MEGF6: variants seen among roughly 807,000 people sequenced by gnomAD.
The protein encoded by MEGF6 is multiple EGF like domains 6, also known as multiple epidermal growth factor-like domains protein 6.
In MEGF6, 184 loss-of-function variants were observed where a neutral mutation model predicts 207.1. That is an observed-to-expected ratio of 0.89 (90% CI 0.79 to 1.00). The LOEUF (loss-of-function observed/expected upper bound fraction) is 1.00, where lower values mean the gene tolerates loss of function less well. Among genes scored for constraint, MEGF6 ranks in the 50% least tolerant of loss-of-function variants. The probability of loss-of-function intolerance (pLI) is 0.00; values close to 1 mark genes in which losing one functional copy is unlikely to be tolerated. For missense variants in MEGF6, 2,282 were observed against 2,202.9 expected (o/e 1.04, Z -0.72); for synonymous variants, 1,038 against 910.0 (o/e 1.14, Z -2.53).
chr1:3,584,180 T>C (rs915758710), intron 3 of MEGF6, among the ~76,000 whole-genome samples: 1 of 152,220 alleles, frequency 6.6e-6, no homozygotes, highest in Admixed American at 6.5e-5. Context: ...GTCCAGGCCA[T>C]GTCTGTAGCC....
chr1:3,500,867 C>T, intron 20 of MEGF6, 99 bp downstream of exon 20: 2 of 1,596,082 alleles, frequency 1.3e-6, no homozygotes, highest in Admixed American at 3.4e-5. Flanking sequence ...GCAAGGCCTC[C>T]TGCAAGCCCC....
At chr1:3,507,657 G>A in intron 14 of MEGF6, 138 bp downstream of exon 14, 1 of 1,093,450 alleles carries the variant, frequency 9.1e-7, no homozygotes, top group Non-Finnish European at 1.4e-6. Flanking sequence ...GAAGGAAAGG[G>A]AGTCTAGGAA....
chr1:3,524,802 C>G (rs759783154), intron 4 of MEGF6, among the ~76,000 whole-genome samples: 1 of 152,096 alleles, frequency 6.6e-6, no homozygotes, highest in South Asian at 2.1e-4. Context: ...AGTTCAGGCT[C>G]GAGATGAGAT....
At chr1:3,514,200 A>G (rs914245793) in intron 7 of MEGF6, among the ~76,000 whole-genome samples, 6 of 151,680 alleles carry the variant, frequency 4.0e-5, no homozygotes, top group African/African-American at 1.5e-4. Context: ...GTGAGCTGAG[A>G]TCACGCCACT....
At chr1:3,526,766 A>G (rs1317652491) in intron 4 of MEGF6, among the ~76,000 whole-genome samples, 1 of 152,182 alleles carries the variant, frequency 6.6e-6, no homozygotes, top group East Asian at 1.9e-4. Context: ...GAAGGGAGGG[A>G]GGGGCCGCTG....
intron 4 of MEGF6, among the ~76,000 whole-genome samples, chr1:3,540,205 T>C (rs1196105688): frequency 3.4e-4 from 51 of 152,220 alleles, no homozygotes; most frequent in Admixed American, 3.0e-3. Flanking sequence ...TGGCCTTAAC[T>C]GAGAACGTGC....
intron 4 of MEGF6, among the ~76,000 whole-genome samples, chr1:3,526,832 C>T (rs1413832951): frequency 6.6e-6 from 1 of 152,200 alleles, no homozygotes; most frequent in Non-Finnish European, 1.5e-5. Flanking sequence ...CTTCCAAAAG[C>T]TATGAGCCGA....
chr1:3,506,976 C>T (rs866597410), intron 14 of MEGF6, among the ~76,000 whole-genome samples: 5 of 152,216 alleles, frequency 3.3e-5, no homozygotes, highest in African/African-American at 7.2e-5. Context: ...GGGTACAGCA[C>T]GATCCCAGGG....
chr1:3,502,503 CAG>C lies in MEGF6; in HGVS notation c.2189-584_2189-583del, dbSNP rs1319266880. Among the ~76,000 whole-genome samples the C allele has an allele frequency of 6.6e-5, 10 of 152,214 alleles. No homozygotes were observed. In the South Asian group the frequency reaches 1.0e-3, roughly 16 times the overall value. ...GCTGTGCACCCACTCACTCCACCCG[CAG>C]AGTCACTGCCCTTTCCCTGTGGGAT... On this transcript the variant is annotated intron_variant, in intron 17 of 36. Transcript: ENST00000356575.
intron 4 of MEGF6, among the ~76,000 whole-genome samples, chr1:3,571,242 G>A (rs950448253): frequency 6.6e-6 from 1 of 152,142 alleles, no homozygotes; most frequent in African/African-American, 2.4e-5. Flanking sequence ...CAGCCAGGAA[G>A]GGCAGGAGTC....
intron 4 of MEGF6, among the ~76,000 whole-genome samples, chr1:3,575,727 C>T (rs150217081): frequency 0.019 from 2,897 of 152,276 alleles, 89 homozygotes; most frequent in African/African-American, 0.065. Flanking sequence ...TTCACTATCA[C>T]GAGAACAGCA....
chr1:3,604,589 G>A (rs1214635908), intron 1 of MEGF6, among the ~76,000 whole-genome samples: 1 of 152,206 alleles, frequency 6.6e-6, no homozygotes, highest in African/African-American at 2.4e-5. Flanking sequence ...TTCTACCTGG[G>A]AGCTGGGGAA....
At chr1:3,518,561 T>C (rs986061681) in intron 5 of MEGF6, among the ~76,000 whole-genome samples, 5 of 152,226 alleles carry the variant, frequency 3.3e-5, no homozygotes, top group African/African-American at 1.2e-4. Context: ...GTTGGCTGAC[T>C]GGCGGGCTGC....
intron 2 of MEGF6, among the ~76,000 whole-genome samples, chr1:3,595,650 G>A (rs1464181097): frequency 6.6e-6 from 1 of 152,208 alleles, no homozygotes; most frequent in Non-Finnish European, 1.5e-5. Context: ...AGGCAGCAGG[G>A]GCCATGCTGG....
intron 3 of MEGF6, among the ~76,000 whole-genome samples, chr1:3,586,724 C>G (rs1426920613): frequency 2.6e-5 from 4 of 152,172 alleles, no homozygotes; most frequent in Admixed American, 6.5e-5. Flanking sequence ...GAGGGCGGCC[C>G]GGGGTCCACA....
intron 5 of MEGF6, among the ~76,000 whole-genome samples, chr1:3,519,760 G>A (rs369035683): frequency 2.6e-5 from 4 of 152,346 alleles, no homozygotes; most frequent in East Asian, 1.9e-4. Flanking sequence ...CTCCCCTCCC[G>A]GGCCGGGCCT....
At chr1:3,608,793 G>A (rs1383418179) in intron 1 of MEGF6, among the ~76,000 whole-genome samples, 1 of 152,178 alleles carries the variant, frequency 6.6e-6, no homozygotes, top group Admixed American at 6.5e-5. Flanking sequence ...CCAGCCAGCA[G>A]CCTAGGCCTC....
intron 4 of MEGF6, among the ~76,000 whole-genome samples, chr1:3,528,419 G>A (rs1013645328): frequency 3.9e-5 from 6 of 152,332 alleles, no homozygotes; most frequent in South Asian, 2.1e-4. Flanking sequence ...CTGAAGAGCC[G>A]TAGGCGCAGT....
In MEGF6 at chr1:3,497,050, C is replaced by T; in HGVS notation, c.3551G>A (p.Cys1184Tyr). 1 of 1,556,890 alleles carries T rather than the reference C, an allele frequency of 6.4e-7. No homozygotes were observed. Among genetic ancestry groups the T allele is most frequent in the South Asian group, 1.2e-5 (1 of 84,690 alleles). Residue 1184 changes from cysteine (C) to tyrosine (Y), a missense_variant, in exon 28 of 37, where the codon TGC becomes TAC. By Grantham distance (194) the Cys-to-Tyr change is radical. Transcript: ENST00000356575. ...TGAGCAGGTCCCGGTGGCAGGGTGG[C>T]AGGCCGGGTTCTCACCGGGACACTG... is the stretch of plus-strand genomic sequence containing the variant. ...MCQCPGENPA[C>Y]HPATGTCSCA...
Sources: gnomAD v4.1 joint callset for allele counts (sites outside exome capture counted in the v4.1 genomes callset) on GRCh38, gnomAD v4.1.1 for gene constraint, MANE v1.5 for transcripts, NCBI Gene and HGNC (gene_info 2026-07-23, HGNC 2026-07-21) for gene names.